The following HIF1A variants were observed in gnomAD, a reference collection of about 807,000 sequenced individuals.
HIF1A encodes the protein hypoxia inducible factor 1 subunit alpha.
HIF1A carries 24 observed loss-of-function variants against 92.7 expected under a neutral mutation model. That is an observed-to-expected ratio of 0.26 (90% confidence interval 0.19 to 0.36). The LOEUF is 0.36. HIF1A is among the 10% of genes least tolerant of loss of function. The pLI, the probability that HIF1A is intolerant of heterozygous loss-of-function variation, is 1.00. For synonymous variants in HIF1A, 319 were observed against 338.7 expected, an observed-to-expected ratio of 0.94 and a Z score of 0.64; for missense variants, 799 against 998.5, an observed-to-expected ratio of 0.80 and a Z score of 2.69.
At chr14:61,731,517 A>T (rs1316693775) in intron 6 of HIF1A, among the ~76,000 whole-genome samples, 2 of 152,250 alleles carry the variant, frequency 1.3e-5, no homozygotes, top group African/African-American at 4.8e-5. Flanking sequence ...ATGTAATGCC[A>T]AAAACTAAAC....
At chr14:61,698,115 A>G (rs1269510699) in intron 1 of HIF1A, among the ~76,000 whole-genome samples, 2 of 152,260 alleles carry the variant, frequency 1.3e-5, no homozygotes. Context: ...AGACTCCTTC[A>G]GAGTTTTCCA....
intron 4 of HIF1A, among the ~76,000 whole-genome samples, chr14:61,725,794 GACTTT>G (rs943489219): frequency 2.6e-5 from 4 of 151,546 alleles, no homozygotes; most frequent in African/African-American, 7.3e-5. Context: ...GGAGTGAATA[GACTTT>G]ACTTAATTCT....
intron 1 of HIF1A, among the ~76,000 whole-genome samples, chr14:61,701,721 C>T (rs1282222876): frequency 6.6e-6 from 1 of 152,190 alleles, no homozygotes; most frequent in Non-Finnish European, 1.5e-5. Flanking sequence ...GGCGCGGTGG[C>T]TCATGCTTGT....
chr14:61,698,402 C>T (rs2301105), intron 1 of HIF1A, among the ~76,000 whole-genome samples: 2,620 of 152,246 alleles, frequency 0.017, 125 homozygotes, highest in East Asian at 0.15. Context: ...CTCTTTCCTC[C>T]TTTTGAAATG....
At chr14:61,723,989 T>C (rs945199206) in intron 4 of HIF1A, among the ~76,000 whole-genome samples, 2 of 152,174 alleles carry the variant, frequency 1.3e-5, no homozygotes, top group Non-Finnish European at 2.9e-5. Flanking sequence ...CAGTGGTGTG[T>C]TTATACAAAT....
intron 4 of HIF1A, among the ~76,000 whole-genome samples, chr14:61,723,871 T>C (rs933658058): frequency 6.6e-6 from 1 of 152,224 alleles, no homozygotes; most frequent in African/African-American, 2.4e-5. Context: ...ATTACTAATG[T>C]GGTTAATGAA....
intron 1 of HIF1A, chr14:61,697,804 G>T: frequency 6.8e-7 from 1 of 1,480,468 alleles, no homozygotes; most frequent in Non-Finnish European, 8.9e-7. Flanking sequence ...TAACTGAGAG[G>T]TTGAGGGACG....
rs755627627 is a variant in HIF1A at position 61,738,094 on chromosome 14, A to C, written c.1257A>C (p.Glu419Asp). ...CATATTTTTTCCCCACAGACACAGA[A>C]ACTGATGACCAGCAACTTGAGGAAG... ...ISLDFGSNDTETDDQQLEEVP... is the reference protein window; with the variant it reads ...ISLDFGSNDTDTDDQQLEEVP... The change falls in exon 10 of 15, where the codon GAA (glutamate) becomes GAC (aspartate). Residue 419 changes from glutamate to aspartate, a missense_variant. Glu to Asp is a conservative substitution (Grantham distance 45). Around this residue, in one of 2 missense-constraint regions of HIF1A, gnomAD observed 516 missense variants for 721.0 expected, o/e 0.72. Transcript: ENST00000337138. The C allele has an allele frequency of 2.5e-6, 4 of 1,597,152 alleles. No individual in the cohort carries two copies. The Admixed American group carries it at 7.1e-5, about 28-fold the overall frequency.
At chr14:61,706,842 G>A (rs1222137214) in intron 1 of HIF1A, among the ~76,000 whole-genome samples, 1 of 152,206 alleles carries the variant, frequency 6.6e-6, no homozygotes, top group Non-Finnish European at 1.5e-5. Context: ...TTAAACAGAT[G>A]TGCCAAGCCT....
Position 61,735,299 on chromosome 14 carries a change from T to A in HIF1A, c.1028+1014T>A, listed in dbSNP as rs189168005. The stretch of plus-strand genomic sequence containing the variant: ...CCTTTAAAATCTAGGGTCACTCCTC[T>A]TAGGAAGACTTTGGGCAGTTTTTAT... On this transcript the variant is annotated intron_variant, in intron 8 of 14. Coordinates refer to ENST00000337138, the MANE Select transcript of HIF1A (RefSeq NM_001530.4). 3.5e-4 allele frequency among the ~76,000 whole-genome samples: 53 copies of A among 152,332 alleles called. No individual in the cohort carries two copies. In the East Asian group the frequency reaches 6.0e-3, roughly 17 times the overall value.
intron 10 of HIF1A, 109 bp downstream of exon 10, chr14:61,738,482 GT>G: frequency 7.7e-6 from 8 of 1,034,278 alleles, no homozygotes; most frequent in Non-Finnish European, 1.1e-5. Flanking sequence ...TTACATTTGT[GT>G]GTGTGTTTGA....
chr14:61,737,715 CAT>C (rs1271510599), intron 9 of HIF1A, among the ~76,000 whole-genome samples: 8 of 152,116 alleles, frequency 5.3e-5, no homozygotes, highest in Non-Finnish European at 1.2e-4. Context: ...TGAAAAAGAA[CAT>C]AAATTTTTTA....
intron 1 of HIF1A, among the ~76,000 whole-genome samples, chr14:61,714,956 C>G (rs2044346703): frequency 6.6e-6 from 1 of 152,110 alleles, no homozygotes; most frequent in Admixed American, 6.5e-5. Context: ...ATTGCTTGAA[C>G]CCAGGAGGCA....
At position 61,720,468 on chromosome 14, in the gene HIF1A, C is replaced by T. The variant is rs1008529581; in HGVS notation, c.122C>T (p.Ala41Val). Reference sequence around the variant, plus strand: ...GAATCTGAAGTTTTTTATGAGCTTGCTCATCAGTTGCCACTTCCACATAAT... The same window carrying T: ...GAATCTGAAGTTTTTTATGAGCTTGTTCATCAGTTGCCACTTCCACATAAT... ...SKESEVFYEL[A>V]HQLPLPHNVS... The change falls in exon 2 of 15, where the codon GCT (alanine) becomes GTT (valine). Residue 41 changes from alanine to valine, a missense_variant. Transcript: ENST00000337138. 3 of 1,613,688 alleles carry T rather than the reference C, an allele frequency of 1.9e-6. No homozygotes were observed. The highest frequency in any genetic ancestry group is 1.7e-5 in the Admixed American group (1 of 59,988).
At chr14:61,715,254 C>T (rs1231745072) in intron 1 of HIF1A, among the ~76,000 whole-genome samples, 1 of 152,170 alleles carries the variant, frequency 6.6e-6, no homozygotes, top group Non-Finnish European at 1.5e-5. Flanking sequence ...GAGCAGAGAG[C>T]ATCTATTACC....
chr14:61,740,494 T>C lies in HIF1A; in HGVS notation c.1537-11T>C. 1 of 1,550,700 alleles carries C rather than the reference T, an allele frequency of 6.4e-7. No individual in the cohort carries two copies. Among genetic ancestry groups the C allele is most frequent in the Non-Finnish European group, 8.7e-7 (1 of 1,146,368 alleles). On this transcript the variant is annotated splice_polypyrimidine_tract_variant and intron_variant, in intron 10 of 14. Coordinates refer to ENST00000337138, the MANE Select transcript of HIF1A (RefSeq NM_001530.4). ...TTCTTCAGGAAATAGTAAACATATT[T>C]CTTTTTACAGCCTAATAGTCCCAGT...
chr14:61,733,947 T>C (rs559864564), intron 7 of HIF1A, among the ~76,000 whole-genome samples, 191 bp from the exon 8 acceptor site: 1 of 152,316 alleles, frequency 6.6e-6, no homozygotes, highest in African/African-American at 2.4e-5. Flanking sequence ...TTTAGGGGGT[T>C]TGAAAAAGGA....
At chr14:61,732,168 G>A (rs569963566) in intron 6 of HIF1A, among the ~76,000 whole-genome samples, 1 of 152,244 alleles carries the variant, frequency 6.6e-6, no homozygotes, top group Non-Finnish European at 1.5e-5. Flanking sequence ...TAACAAGTTT[G>A]GGTGAACAGG....
intron 1 of HIF1A, among the ~76,000 whole-genome samples, chr14:61,714,418 A>G (rs1034565323): frequency 1.3e-5 from 2 of 152,208 alleles, no homozygotes; most frequent in East Asian, 1.9e-4. Context: ...ATATGCTGCA[A>G]AATACAAACC....
Sources: allele counts gnomAD v4.1 joint callset (sites outside exome capture counted in the v4.1 genomes callset), GRCh38; gene constraint gnomAD v4.1.1; regional missense constraint gnomAD v4.1.1; transcripts MANE v1.5; gene names NCBI Gene and HGNC (gene_info 2026-07-23, HGNC 2026-07-21).